Variants in EIF4E2 observed in about 807,000 individuals in gnomAD.
EIF4E2 encodes eukaryotic translation initiation factor 4E type 2.
EIF4E2 carries 13 observed loss-of-function variants against 34.2 expected under a neutral mutation model. That is an observed-to-expected ratio of 0.38 (90% CI 0.25 to 0.60). The LOEUF (loss-of-function observed/expected upper bound fraction) is 0.60. Ranked by LOEUF, EIF4E2 falls within the 20% of genes least tolerant of loss-of-function variation. The pLI, the probability that EIF4E2 is intolerant of heterozygous loss-of-function variation, is 0.62. For synonymous variants in EIF4E2, 100 were observed against 106.6 expected, an observed-to-expected ratio of 0.94 and a Z score of 0.38; for missense variants, 222 against 315.1, an observed-to-expected ratio of 0.70 and a Z score of 2.24.
At chr2:232,568,509 G>A (rs537679067) in intron 6 of EIF4E2, 23 of 899,426 alleles carry the variant, frequency 2.6e-5, no homozygotes, top group Middle Eastern at 5.8e-4. Flanking sequence ...TTCTAGCCAC[G>A]TTCAGTCCAG....
chr2:232,557,932 T>C lies in EIF4E2; in HGVS notation c.184T>C (p.Phe62Leu). The part of the protein sequence containing the change: ...AEHPLQYNYT[F>L]WYSRRTPGRP... ...GCATCCCCTGCAGTACAACTACACT[T>C]TTTGGTACTCCAGGAGAACCCCCGG... The change falls in exon 3 of 7, where the codon TTT becomes CTT. Residue 62 changes from phenylalanine (F) to leucine (L), a missense_variant. By Grantham distance (22) the Phe-to-Leu change is conservative. This residue lies in a region of EIF4E2 where 87 missense variants were observed against 93.6 expected (regional missense o/e 0.93). Transcript: ENST00000258416. 6.2e-7 allele frequency: 1 copy of C among 1,614,104 alleles called. No individual in the cohort carries two copies. Among genetic ancestry groups the C allele is most frequent in the Non-Finnish European group, 8.5e-7 (1 of 1,180,008 alleles).
downstream of EIF4E2, chr2:232,573,997 A>G (rs1693152161): frequency 4.6e-6 from 3 of 659,252 alleles, no homozygotes; most frequent in Non-Finnish European, 8.6e-6. Flanking sequence ...TTGTTGAAGG[A>G]ACACTGGTGC....
chr2:232,562,739 A>C (rs1692766178), intron 3 of EIF4E2, among the ~76,000 whole-genome samples: 1 of 152,258 alleles, frequency 6.6e-6, no homozygotes, highest in Non-Finnish European at 1.5e-5. Context: ...ACAATGAGCC[A>C]CTAGTGGGTG....
intron 2 of EIF4E2, 30 bp from the exon 3 acceptor site, chr2:232,557,854 C>A: frequency 6.2e-7 from 1 of 1,608,058 alleles, no homozygotes; most frequent in Non-Finnish European, 8.5e-7. Context: ...GACAAATGCC[C>A]AGGACTAACA....
chr2:232,553,439 G>C (rs1574656115), intron 1 of EIF4E2, among the ~76,000 whole-genome samples: 1 of 152,000 alleles, frequency 6.6e-6, no homozygotes. Context: ...TTATGCCACT[G>C]TCTGATGGTG....
intron 1 of EIF4E2, among the ~76,000 whole-genome samples, chr2:232,553,704 A>C (rs1259925227): frequency 1.3e-5 from 2 of 152,176 alleles, no homozygotes; most frequent in African/African-American, 4.8e-5. Flanking sequence ...TAGAGGGCAG[A>C]GTGGTTGGTT....
chr2:232,558,188 T>C (rs1174553694), intron 3 of EIF4E2, 170 bp downstream of exon 3: 2 of 758,992 alleles, frequency 2.6e-6, no homozygotes, highest in East Asian at 2.9e-5. Context: ...TCACTAGATA[T>C]CCATGGTTAG....
intron 6 of EIF4E2, among the ~76,000 whole-genome samples, chr2:232,580,324 G>A (rs1693321175): frequency 6.6e-6 from 1 of 152,140 alleles, no homozygotes; most frequent in Non-Finnish European, 1.5e-5. Flanking sequence ...TTTCAAAAGT[G>A]TGTGTTAGAT....
chr2:232,563,539 T>G (rs1692801324), intron 3 of EIF4E2, among the ~76,000 whole-genome samples: 1 of 152,210 alleles, frequency 6.6e-6, no homozygotes, highest in Non-Finnish European at 1.5e-5. Context: ...AACATAATTT[T>G]TCTAGCTAAG....
chr2:232,580,978 G>A (rs1249966692), exon 7 of EIF4E2: 1 of 1,545,748 alleles, frequency 6.5e-7, no homozygotes, highest in South Asian at 1.2e-5. Context: ...TTTTCTGTAT[G>A]TGTGTGTTTG....
At chr2:232,580,827 TC>T in intron 6 of EIF4E2, 1 of 1,316,612 alleles carries the variant, frequency 7.6e-7, no homozygotes, top group South Asian at 1.3e-5. Context: ...TGAGTCAGCA[TC>T]CCCCTGTATA....
At position 232,566,774 on chromosome 2, in the gene EIF4E2, C is replaced by G; in HGVS notation, c.376-55C>G. The G allele has an allele frequency of 6.2e-7, 1 of 1,601,332 alleles. No homozygotes were observed. The highest frequency in any genetic ancestry group is 8.5e-7 in the Non-Finnish European group (1 of 1,173,588). ...TTCTTGGCTTTTTACTGCCTTCATA[C>G]AAAAAAAGGCTGTGAAACCATATTT... On this transcript the variant is annotated intron_variant, in intron 4 of 6. Transcript: ENST00000258416. The surrounding 1 kb of genome is among the most constrained non-coding windows in gnomAD (Gnocchi z 4.9).
At chr2:232,554,122 T>C (rs966274893) in intron 1 of EIF4E2, among the ~76,000 whole-genome samples, 1 of 152,130 alleles carries the variant, frequency 6.6e-6, no homozygotes, top group Non-Finnish European at 1.5e-5. Context: ...CATGAGAGTA[T>C]AGCTGGAACA....
At chr2:232,580,877 C>A in intron 6 of EIF4E2, 1 of 1,541,170 alleles carries the variant, frequency 6.5e-7, no homozygotes, top group Non-Finnish European at 8.8e-7. Context: ...ATTGAACACT[C>A]TATTTTCTCC....
At chr2:232,569,719 C>G (rs1018758601), downstream of EIF4E2, 2 of 152,330 alleles carry the variant, frequency 1.3e-5, no homozygotes, top group Non-Finnish European at 2.9e-5. Context: ...TTCCAGCCTT[C>G]TCCCTTCTGC....
chr2:232,583,528 T>C (rs902005113), exon 7 of EIF4E2: 3 of 152,102 alleles, frequency 2.0e-5, no homozygotes, highest in Admixed American at 6.6e-5. Context: ...GCTCGAAGAA[T>C]GAATTTCCAA....
At chr2:232,576,298 G>T (rs1693217093) in intron 6 of EIF4E2, among the ~76,000 whole-genome samples, 1 of 152,128 alleles carries the variant, frequency 6.6e-6, no homozygotes, top group South Asian at 2.1e-4. Flanking sequence ...TACATAAAAT[G>T]ATGTACCTTT....
chr2:232,559,129 G>A (rs1041261711), intron 3 of EIF4E2, among the ~76,000 whole-genome samples: 9 of 151,290 alleles, frequency 5.9e-5, no homozygotes, highest in South Asian at 2.1e-4. Context: ...GCTAGATGAC[G>A]AGTTAGTGGG....
At chr2:232,569,215 G>C, downstream of EIF4E2, 1 of 1,417,838 alleles carries the variant, frequency 7.1e-7, no homozygotes, top group Non-Finnish European at 9.2e-7. Flanking sequence ...AAACTAGCTT[G>C]TCTCATGCTC....
Sources: gnomAD v4.1 joint callset for allele counts (sites outside exome capture counted in the v4.1 genomes callset) on GRCh38, gnomAD v4.1.1 for gene constraint, gnomAD v4.1.1 regional missense constraint, Gnocchi (gnomAD v3.1) non-coding constraint, MANE v1.5 for transcripts, NCBI Gene and HGNC (gene_info 2026-07-23, HGNC 2026-07-21) for gene names.